ATP8B1: variants seen among roughly 807,000 people sequenced by gnomAD.
ATP8B1 encodes the protein ATPase phospholipid transporting 8B1, also known as phospholipid-transporting ATPase IC.
Under a neutral mutation model 149.9 loss-of-function variants are expected in ATP8B1, and 80 were observed. That is an observed-to-expected ratio of 0.53 (90% confidence interval 0.45 to 0.64). ATP8B1 has a LOEUF of 0.64. Ranked by LOEUF, ATP8B1 falls within the 30% of genes least tolerant of loss-of-function variation. The pLI is 0.00. For synonymous variants in ATP8B1, 536 were observed against 562.8 expected, an observed-to-expected ratio of 0.95 and a Z score of 0.67; for missense variants, 1,247 against 1,552.6, an observed-to-expected ratio of 0.80 and a Z score of 3.31.
Position 57,802,447 on chromosome 18 carries a change from C to CCA in ATP8B1, c.-26+549_-26+550dup, listed in dbSNP as rs2080588036. ...AGATGTCTGGGAGTACCTGGCCCTG[C>CCA]CACAGGAGCTGGGGAGGAGAGCGAT... On this transcript the variant is annotated intron_variant, in intron 1 of 27. Transcript: ENST00000648908. This position sits in a 1 kb window ranked among gnomAD's most constrained non-coding sequence, Gnocchi z 4.9. Among the ~76,000 whole-genome samples, 1 of 152,174 alleles carries CCA rather than the reference C, an allele frequency of 6.6e-6. No individual in the cohort carries two copies. Among genetic ancestry groups the CCA allele is most frequent in the East Asian group, 1.9e-4 (1 of 5,172 alleles).
intron 1 of ATP8B1, among the ~76,000 whole-genome samples, chr18:57,732,241 A>ATGTG (rs1568044222): frequency 1.6e-4 from 4 of 25,060 alleles, no homozygotes; most frequent in African/African-American, 3.2e-4. Flanking sequence ...ATGTGTATAT[A>ATGTG]TATGTATATA....
Position 57,731,954 on chromosome 18 carries a change from A to AAT in ATP8B1, c.-25-124_-25-123dup. The AAT allele has an allele frequency of 6.4e-6, 6 of 932,168 alleles. No homozygotes were observed. In the South Asian group the frequency reaches 6.7e-5, roughly 10 times the overall value. 57.7% of individuals were successfully genotyped at this position (932,168 alleles called of 1,614,324 possible). On this transcript the variant is annotated intron_variant, in intron 1 of 27. Transcript: ENST00000648908. Reference sequence around the variant, plus strand: ...ATTGTCTAACATGTAAATATTCTGGAATAGTACCCCCAAATTCAACTTGAC... The same window carrying AAT: ...ATTGTCTAACATGTAAATATTCTGGAATATAGTACCCCCAAATTCAACTTGAC...
intron 17 of ATP8B1, among the ~76,000 whole-genome samples, chr18:57,669,772 C>A (rs1474618385): frequency 3.3e-5 from 5 of 152,264 alleles, no homozygotes; most frequent in Non-Finnish European, 7.4e-5. Context: ...ACCTCAGCCT[C>A]CCAAGTAGCT....
intron 1 of ATP8B1, among the ~76,000 whole-genome samples, chr18:57,764,144 C>T (rs1666853536): frequency 6.6e-6 from 1 of 152,206 alleles, no homozygotes; most frequent in Admixed American, 6.5e-5. Flanking sequence ...CAATCACCTT[C>T]CCCACGATCC....
chr18:57,752,782 A>G (rs547761811), intron 1 of ATP8B1, among the ~76,000 whole-genome samples: 74 of 152,310 alleles, frequency 4.9e-4, no homozygotes, highest in African/African-American at 1.7e-3. Flanking sequence ...CTAAAACATC[A>G]TTGAAAAGTA....
chr18:57,762,092 C>T (rs1161368441), intron 1 of ATP8B1, among the ~76,000 whole-genome samples: 1 of 151,190 alleles, frequency 6.6e-6, no homozygotes, highest in Non-Finnish European at 1.5e-5. Context: ...TTTGTTACAA[C>T]TGATGAGCCA....
chr18:57,776,277 C>A (rs558091395), intron 1 of ATP8B1, among the ~76,000 whole-genome samples: 3 of 152,256 alleles, frequency 2.0e-5, no homozygotes, highest in Non-Finnish European at 4.4e-5. Flanking sequence ...TTTGCCTCCA[C>A]TGTGTCTTGT....
At chr18:57,728,396 A>T (rs1401599245) in intron 2 of ATP8B1, among the ~76,000 whole-genome samples, 1 of 152,066 alleles carries the variant, frequency 6.6e-6, no homozygotes, top group Non-Finnish European at 1.5e-5. Context: ...GGTGACACTG[A>T]CCTTAACTGG....
rs374347036 is a variant in ATP8B1 at position 57,688,532 on chromosome 18, C to T, written c.1221-25G>A. ...GCTAGGAAGACAGAAGATTATTTTCCGTAGAGAGCTCGGATACGAGTGGCA... is the reference window on the plus strand; with the variant it reads ...GCTAGGAAGACAGAAGATTATTTTCTGTAGAGAGCTCGGATACGAGTGGCA... On this transcript the variant is annotated intron_variant, in intron 12 of 27. Transcript: ENST00000648908. 7.9e-5 allele frequency: 127 copies of T among 1,611,522 alleles called. 1 individual carries two copies. Among genetic ancestry groups the T allele is most frequent in the South Asian group, 5.9e-4 (54 of 90,982 alleles).
chr18:57,724,321 A>G (rs1436051907), intron 2 of ATP8B1, among the ~76,000 whole-genome samples: 13 of 144,882 alleles, frequency 9.0e-5, no homozygotes, highest in Non-Finnish European at 1.8e-4. Context: ...GCAACCTACA[A>G]AATGGGAGAA....
intron 1 of ATP8B1, among the ~76,000 whole-genome samples, chr18:57,756,301 G>A (rs74460905): frequency 0.72 from 75,979 of 105,248 alleles, 29,168 homozygotes; most frequent in Middle Eastern, 0.84. Context: ...GTGTGTGTAT[G>A]TATATATATA....
chr18:57,782,410 T>G (rs2080364804), intron 1 of ATP8B1, among the ~76,000 whole-genome samples: 1 of 152,228 alleles, frequency 6.6e-6, no homozygotes, highest in African/African-American at 2.4e-5. Context: ...TAAACCCAAG[T>G]AAATTTTTTA....
chr18:57,754,300 TGG>T (rs2080056192), intron 1 of ATP8B1, among the ~76,000 whole-genome samples: 1 of 151,818 alleles, frequency 6.6e-6, no homozygotes, highest in Non-Finnish European at 1.5e-5. Context: ...TAGCCAGGCA[TGG>T]TGGCACATGC....
At chr18:57,698,501 C>T (rs760795353) in intron 6 of ATP8B1, among the ~76,000 whole-genome samples, 8 of 152,084 alleles carry the variant, frequency 5.3e-5, no homozygotes, top group Admixed American at 1.3e-4. Flanking sequence ...CGTGCCTTCA[C>T]GCCTGACTAA....
In ATP8B1 at chr18:57,777,205, T is replaced by C. The variant is rs1267142918; in HGVS notation, c.-26+25793A>G. Reference sequence around the variant, plus strand: ...GTTTCCCAGGCTAGTCTTGAACTTTTGGGTTCAAGCAATCTGCCCGGCTCA... The same window carrying C: ...GTTTCCCAGGCTAGTCTTGAACTTTCGGGTTCAAGCAATCTGCCCGGCTCA... On this transcript the variant is annotated intron_variant, in intron 1 of 27. Coordinates refer to ENST00000648908, the MANE Select transcript of ATP8B1 (RefSeq NM_001374385.1). Among the ~76,000 whole-genome samples, 6 of 152,174 alleles carry C rather than the reference T, an allele frequency of 3.9e-5. No individual in the cohort carries two copies. The East Asian group carries it at 1.2e-3, about 29-fold the overall frequency.
rs71171074 is a variant in ATP8B1 at position 57,729,549 on chromosome 18, C to CTTTTTTTTTTTT, written c.181+2066_181+2077dup. On this transcript the variant is annotated intron_variant, in intron 2 of 27. Transcript: ENST00000648908. The stretch of plus-strand genomic sequence containing the variant: ...GGTGGGAATTCCATTTTCTTTCTTT[C>CTTTTTTTTTTTT]TTTTTTTTTTTTTTTTTTGAGTTGG... Among the ~76,000 whole-genome samples, 86 of 120,704 alleles carry CTTTTTTTTTTTT rather than the reference C, an allele frequency of 7.1e-4. 4 individuals carry two copies. Among genetic ancestry groups the CTTTTTTTTTTTT allele is most frequent in the East Asian group, 1.9e-3 (7 of 3,622 alleles). The allele number at this position is 120,704 out of a possible 152,430, so 79.2% of individuals were successfully genotyped here.
chr18:57,712,212 TTTAAC>T (rs1913723696), intron 2 of ATP8B1, among the ~76,000 whole-genome samples: 1 of 152,050 alleles, frequency 6.6e-6, no homozygotes, highest in Non-Finnish European at 1.5e-5. Flanking sequence ...AGTACCTGGT[TTTAAC>T]TTTATATTGC....
Position 57,763,432 on chromosome 18 carries a change from T to C in ATP8B1, c.-25-31600A>G, listed in dbSNP as rs552431228. 2.6e-5 allele frequency among the ~76,000 whole-genome samples: 4 copies of C among 152,332 alleles called. No homozygotes were observed. In the South Asian group the frequency reaches 8.3e-4, roughly 32 times the overall value. On this transcript the variant is annotated intron_variant, in intron 1 of 27. Transcript: ENST00000648908. ...AAATTGTACTCTAAAGATAGAGCTC[T>C]GTTTCCACAAATTGTATCAGAAACG...
chr18:57,673,462 A>G (rs918753004), intron 16 of ATP8B1, among the ~76,000 whole-genome samples: 3 of 152,176 alleles, frequency 2.0e-5, no homozygotes, highest in African/African-American at 7.2e-5. Flanking sequence ...TATGGTATAT[A>G]GTACAGTATT....
Sources: allele counts gnomAD v4.1 joint callset (sites outside exome capture counted in the v4.1 genomes callset), GRCh38; gene constraint gnomAD v4.1.1; non-coding constraint Gnocchi (gnomAD v3.1); transcripts MANE v1.5; gene names NCBI Gene and HGNC (gene_info 2026-07-23, HGNC 2026-07-21).